Variants in SGCD observed in about 807,000 individuals in gnomAD.
SGCD encodes sarcoglycan delta.
SGCD carries 18 observed loss-of-function variants against 36.6 expected under a neutral mutation model. The ratio of observed to expected loss-of-function variants is 0.49; its 90% CI spans 0.34 to 0.73. The LOEUF (loss-of-function observed/expected upper bound fraction) is 0.73. Ranked by LOEUF, SGCD falls within the 30% of genes least tolerant of loss-of-function variation. SGCD has a pLI of 0.01. For missense variants in SGCD, 387 were observed against 346.7 expected, an observed-to-expected ratio of 1.12 and a Z score of -0.92; for synonymous variants, 133 against 130.6, an observed-to-expected ratio of 1.02 and a Z score of -0.12.
chr5:155,792,784 A>AT, the SGCD span, among the ~76,000 whole-genome samples: 1 of 152,212 alleles, frequency 6.6e-6, no homozygotes, highest in Non-Finnish European at 1.5e-5. Context: ...AGAAAAGGGA[A>AT]TGCTTATACA....
chr5:156,584,326 T>C (rs537443008), intron 4 of SGCD, among the ~76,000 whole-genome samples: 9 of 152,320 alleles, frequency 5.9e-5, no homozygotes, highest in African/African-American at 1.9e-4. Context: ...CCTTCTACTT[T>C]GTGTTCACTG....
chr5:156,737,319 C>T (rs1297989422), intron 7 of SGCD, among the ~76,000 whole-genome samples: 1 of 152,130 alleles, frequency 6.6e-6, no homozygotes, highest in East Asian at 1.9e-4. Context: ...GGAACATCTA[C>T]TCTGCTGCTA....
intron 3 of SGCD, among the ~76,000 whole-genome samples, chr5:156,454,402 G>A (rs182188437): frequency 1.6e-4 from 24 of 152,204 alleles, no homozygotes; most frequent in African/African-American, 4.3e-4. Flanking sequence ...ATAGTACCCC[G>A]GGGCTGTGAG....
the SGCD span, among the ~76,000 whole-genome samples, chr5:155,785,628 C>T: frequency 6.6e-6 from 1 of 152,022 alleles, no homozygotes; most frequent in Admixed American, 6.6e-5. Flanking sequence ...AAATTGAAGT[C>T]TCAAAAGAAT....
chr5:155,817,186 T>C, the SGCD span, among the ~76,000 whole-genome samples: 1 of 152,200 alleles, frequency 6.6e-6, no homozygotes, highest in Non-Finnish European at 1.5e-5. Flanking sequence ...TTAGATTGCC[T>C]CCTGGTTTTA....
At chr5:156,427,340 C>G (rs1481687618) in intron 3 of SGCD, among the ~76,000 whole-genome samples, 1 of 151,790 alleles carries the variant, frequency 6.6e-6, no homozygotes, top group Non-Finnish European at 1.5e-5. Flanking sequence ...TGATTCTCAG[C>G]TTTGTCGTTG....
intron 3 of SGCD, among the ~76,000 whole-genome samples, chr5:156,451,068 C>T (rs1753987637): frequency 6.6e-6 from 1 of 150,422 alleles, no homozygotes; most frequent in African/African-American, 2.5e-5. Flanking sequence ...CCTTCCCCTC[C>T]CCTTGCCTCT....
At chr5:155,981,881 G>A (rs980265347) in intron 1 of SGCD, among the ~76,000 whole-genome samples, 1 of 152,144 alleles carries the variant, frequency 6.6e-6, no homozygotes, top group African/African-American at 2.4e-5. Flanking sequence ...GCCCCAAGGA[G>A]ATCAAGACCT....
At chr5:155,782,670 G>A in the SGCD span, among the ~76,000 whole-genome samples, 16 of 152,160 alleles carry the variant, frequency 1.1e-4, no homozygotes, top group African/African-American at 3.6e-4. Flanking sequence ...ACAGCAAGAC[G>A]TGAGCAGGGG....
At chr5:156,740,449 T>G (rs573395755) in intron 7 of SGCD, among the ~76,000 whole-genome samples, 3 of 152,156 alleles carry the variant, frequency 2.0e-5, no homozygotes, top group Non-Finnish European at 1.5e-5. Context: ...TATGTCACCT[T>G]CTTAGAGACA....
chr5:155,789,272 G>T, the SGCD span, among the ~76,000 whole-genome samples: 1 of 151,946 alleles, frequency 6.6e-6, no homozygotes, highest in South Asian at 2.1e-4. Context: ...AAAATATCAG[G>T]CATGTTCACA....
At chr5:156,432,853 A>G (rs1230018206) in intron 3 of SGCD, among the ~76,000 whole-genome samples, 1 of 152,162 alleles carries the variant, frequency 6.6e-6, no homozygotes, top group Admixed American at 6.5e-5. Flanking sequence ...GGCAGCCTGC[A>G]CACAGAACTT....
chr5:155,880,923 C>A (rs1355257895), intron 1 of SGCD, among the ~76,000 whole-genome samples: 1 of 152,040 alleles, frequency 6.6e-6, no homozygotes, highest in African/African-American at 2.4e-5. Context: ...CCTAGGTGAG[C>A]AGAAAAATGC....
At chr5:156,552,664 C>T (rs1047038514) in intron 4 of SGCD, among the ~76,000 whole-genome samples, 4 of 152,078 alleles carry the variant, frequency 2.6e-5, no homozygotes, top group Non-Finnish European at 5.9e-5. Context: ...CATCCTCCTG[C>T]AGTCATTGTA....
chr5:155,879,402 C>T (rs764784074), intron 1 of SGCD, among the ~76,000 whole-genome samples: 2 of 152,102 alleles, frequency 1.3e-5, no homozygotes, highest in Non-Finnish European at 2.9e-5. Flanking sequence ...GCTGGTCCTA[C>T]CACCCTCAGA....
intron 3 of SGCD, among the ~76,000 whole-genome samples, chr5:156,383,058 C>T (rs535332224): frequency 6.7e-4 from 102 of 152,182 alleles, no homozygotes; most frequent in Admixed American, 9.2e-4. Flanking sequence ...ATGAATGCCA[C>T]CTGGTTCAAA....
At chr5:156,225,973 A>G (rs925329634) in intron 3 of SGCD, among the ~76,000 whole-genome samples, 3 of 152,136 alleles carry the variant, frequency 2.0e-5, no homozygotes, top group South Asian at 4.1e-4. Flanking sequence ...TGTTGGGCAT[A>G]TGGATAATTT....
chr5:156,471,730 T>G (rs1246978774), intron 3 of SGCD, among the ~76,000 whole-genome samples: 1 of 152,232 alleles, frequency 6.6e-6, no homozygotes, highest in East Asian at 1.9e-4. Flanking sequence ...CTTTATAAGT[T>G]TGAGAGTCAA....
chr5:156,548,334 G>A (rs1758662341), intron 4 of SGCD, among the ~76,000 whole-genome samples: 1 of 152,214 alleles, frequency 6.6e-6, no homozygotes, highest in East Asian at 1.9e-4. Flanking sequence ...GGTGAGTTCA[G>A]TATGGTACCT....
Sources: allele counts gnomAD v4.1 joint callset (sites outside exome capture counted in the v4.1 genomes callset), GRCh38; gene constraint gnomAD v4.1.1; transcripts MANE v1.5; gene names NCBI Gene and HGNC (gene_info 2026-07-23, HGNC 2026-07-21).